The following DYNC2LI1 variants were observed in gnomAD, a reference collection of about 807,000 sequenced individuals.
The protein encoded by DYNC2LI1 is dynein cytoplasmic 2 light intermediate chain 1, also known as cytoplasmic dynein 2 light intermediate chain 1.
In DYNC2LI1, 45 loss-of-function variants were observed where a neutral mutation model predicts 51.9. The observed-to-expected ratio is 0.87, with a 90% CI of 0.68 to 1.11. The LOEUF is 1.11. DYNC2LI1 is among the 50% of genes most tolerant of loss of function. DYNC2LI1 has a pLI of 0.00. For synonymous variants in DYNC2LI1, 130 were observed against 137.8 expected, an observed-to-expected ratio of 0.94 and a Z score of 0.40; for missense variants, 490 against 417.4, an observed-to-expected ratio of 1.17 and a Z score of -1.51.
chr2:43,783,684 C>T, intron 3 of DYNC2LI1, 130 bp downstream of exon 3: 2 of 573,080 alleles, frequency 3.5e-6, no homozygotes, highest in Non-Finnish European at 5.8e-6. Context: ...CTTAGCAAAT[C>T]CTTAGTATAA....
At chr2:43,816,998 G>C in the DYNC2LI1 span, among the ~76,000 whole-genome samples, 1 of 152,170 alleles carries the variant, frequency 6.6e-6, no homozygotes, top group African/African-American at 2.4e-5. Flanking sequence ...AAATGCCTTA[G>C]GCAGTTCACC....
At chr2:43,823,905 G>A in the DYNC2LI1 span, 7 of 1,613,208 alleles carry the variant, frequency 4.3e-6, no homozygotes, top group Non-Finnish European at 5.9e-6. Flanking sequence ...CAGCACGTGG[G>A]CACTTACACA....
downstream of DYNC2LI1, among the ~76,000 whole-genome samples, chr2:43,811,663 C>T (rs1002910862): frequency 6.6e-6 from 1 of 150,786 alleles, no homozygotes; most frequent in East Asian, 2.0e-4. Context: ...GGTGCATTCT[C>T]GGCTCACTGC....
chr2:43,812,154 G>A (rs4952686), downstream of DYNC2LI1, among the ~76,000 whole-genome samples: 1 of 151,640 alleles, frequency 6.6e-6, no homozygotes, highest in South Asian at 2.1e-4. Flanking sequence ...AGGTTTAAGC[G>A]ATCCTTCCAC....
downstream of DYNC2LI1, among the ~76,000 whole-genome samples, chr2:43,815,000 T>C (rs1666722777): frequency 6.6e-6 from 1 of 152,210 alleles, no homozygotes; most frequent in Admixed American, 6.5e-5. Flanking sequence ...TTCTCTCAAG[T>C]AGACGATTAC....
the DYNC2LI1 span, among the ~76,000 whole-genome samples, chr2:43,820,682 T>C: frequency 2.6e-5 from 4 of 152,178 alleles, no homozygotes; most frequent in Non-Finnish European, 5.9e-5. Context: ...GAGACGGAGT[T>C]GCACTCTGTT....
intron 10 of DYNC2LI1, 107 bp downstream of exon 10, chr2:43,801,816 A>G: frequency 1.3e-6 from 1 of 750,784 alleles, no homozygotes; most frequent in Non-Finnish European, 2.2e-6. Context: ...TGGTTTCATT[A>G]TCATTGCTGT....
At chr2:43,819,858 G>T in the DYNC2LI1 span, 1 of 1,559,886 alleles carries the variant, frequency 6.4e-7, no homozygotes, top group South Asian at 1.1e-5. Context: ...GTCATTATTA[G>T]GTGATCATTA....
chr2:43,827,842 T>G, the DYNC2LI1 span: 2 of 1,324,048 alleles, frequency 1.5e-6, no homozygotes, highest in Non-Finnish European at 1.0e-6. Context: ...AAAAACTGGG[T>G]CCTCAGTTTG....
downstream of DYNC2LI1, chr2:43,813,426 A>C (rs538413682): frequency 1.3e-6 from 1 of 741,816 alleles, no homozygotes. Context: ...CACTTTAGCA[A>C]GCCCAGAGTT....
At chr2:43,823,677 C>T in the DYNC2LI1 span, among the ~76,000 whole-genome samples, 1 of 152,292 alleles carries the variant, frequency 6.6e-6, no homozygotes, top group South Asian at 2.1e-4. Flanking sequence ...CCCACCAGTA[C>T]ATTGTCACTT....
intron 2 of DYNC2LI1, among the ~76,000 whole-genome samples, chr2:43,780,716 G>A (rs973935916): frequency 8.5e-5 from 13 of 152,136 alleles, no homozygotes; most frequent in African/African-American, 2.7e-4. Context: ...AGGGAAGACA[G>A]AAGGGGATTA....
chr2:43,820,086 T>C, the DYNC2LI1 span: 2 of 1,613,918 alleles, frequency 1.2e-6, no homozygotes, highest in Non-Finnish European at 1.7e-6. Flanking sequence ...AACCTCAGGA[T>C]GTAAGCCCAG....
chr2:43,828,094 G>C, the DYNC2LI1 span: 1 of 1,614,072 alleles, frequency 6.2e-7, no homozygotes, highest in Admixed American at 1.7e-5. Flanking sequence ...CTCAGACTCA[G>C]CTCTGCCATG....
chr2:43,790,359 A>T (rs1392664608), intron 5 of DYNC2LI1, among the ~76,000 whole-genome samples: 23 of 152,146 alleles, frequency 1.5e-4, no homozygotes, highest in Non-Finnish European at 1.5e-5. Context: ...AATTTTTTTT[A>T]ATCTGAAATA....
chr2:43,777,786 G>A (rs1238235106), intron 2 of DYNC2LI1, among the ~76,000 whole-genome samples: 3 of 152,136 alleles, frequency 2.0e-5, no homozygotes, highest in Non-Finnish European at 1.5e-5. Context: ...CTGCACAACC[G>A]GACACCCTCC....
rs780201659 is a variant in DYNC2LI1 at position 43,804,633 on chromosome 2, C to G, written c.803-9C>G. On this transcript the variant is annotated splice_polypyrimidine_tract_variant and intron_variant, in intron 10 of 12. Transcript: ENST00000260605. ...TTGCAGTCATTTGTGGTAAAACTTG[C>G]TATTTTAGGATCTCCTCCTGTTCCT... 1.8e-5 allele frequency: 28 copies of G among 1,558,684 alleles called. No individual in the cohort carries two copies. In the Admixed American group the frequency reaches 5.3e-4, roughly 29 times the overall value.
chr2:43,784,276 C>G (rs1187100625), intron 3 of DYNC2LI1, among the ~76,000 whole-genome samples: 1 of 152,166 alleles, frequency 6.6e-6, no homozygotes, highest in African/African-American at 2.4e-5. Context: ...CTCAGAGGAA[C>G]TATCAACAGT....
At chr2:43,818,881 T>C in the DYNC2LI1 span, among the ~76,000 whole-genome samples, 2 of 152,186 alleles carry the variant, frequency 1.3e-5, no homozygotes, top group Non-Finnish European at 2.9e-5. Flanking sequence ...GATCTCTTTT[T>C]TATAAATGAG....
Sources: gnomAD v4.1 joint callset for allele counts (sites outside exome capture counted in the v4.1 genomes callset) on GRCh38, gnomAD v4.1.1 for gene constraint, MANE v1.5 for transcripts, NCBI Gene and HGNC (gene_info 2026-07-23, HGNC 2026-07-21) for gene names.